GLG1: variants seen among roughly 807,000 people sequenced by gnomAD.
GLG1 encodes the protein golgi glycoprotein 1.
In GLG1, 38 loss-of-function variants were observed where a neutral mutation model predicts 160.5. The ratio of observed to expected loss-of-function variants is 0.24; its 90% confidence interval spans 0.18 to 0.31. The LOEUF is 0.31. Ranked by LOEUF, GLG1 falls within the 10% of genes least tolerant of loss-of-function variation. The pLI, the probability that GLG1 is intolerant of heterozygous loss-of-function variation, is 1.00. For missense variants in GLG1, 1,373 were observed against 1,505.2 expected (o/e 0.91, Z 1.45); for synonymous variants, 644 against 543.4 (o/e 1.19, Z -2.57).
At chr16:74,481,647 C>T (rs531436803) in intron 10 of GLG1, among the ~76,000 whole-genome samples, 2 of 152,288 alleles carry the variant, frequency 1.3e-5, no homozygotes, top group East Asian at 3.9e-4. Flanking sequence ...TATATTGAAT[C>T]TTCAAGTAAT....
intron 17 of GLG1, 143 bp downstream of exon 17, chr16:74,468,803 G>T: frequency 4.6e-6 from 3 of 647,288 alleles, no homozygotes; most frequent in South Asian, 3.8e-5. Flanking sequence ...GCTAATGGTC[G>T]TATGTTAAAA....
At position 74,499,965 on chromosome 16, in the gene GLG1, T is replaced by C. The variant is rs576970515; in HGVS notation, c.775-3321A>G. Among the ~76,000 whole-genome samples, 205 of 152,300 alleles carry C rather than the reference T, an allele frequency of 1.3e-3. 1 individual carries two copies. Among genetic ancestry groups the C allele is most frequent in the African/African-American group, 4.8e-3 (199 of 41,570 alleles). On this transcript the variant is annotated intron_variant, in intron 4 of 25. Transcript: ENST00000422840. ...TTGCAGTGAGCCGAGATTGTGCCACTGCACTCCAGCCTGGGCGACAGAGTG... is the reference window on the plus strand; with the variant it reads ...TTGCAGTGAGCCGAGATTGTGCCACCGCACTCCAGCCTGGGCGACAGAGTG...
intron 25 of GLG1, among the ~76,000 whole-genome samples, 165 bp from the exon 26 acceptor site, chr16:74,453,499 T>G (rs2014408007): frequency 6.6e-6 from 1 of 152,218 alleles, no homozygotes; most frequent in South Asian, 2.1e-4. Flanking sequence ...CTCTTTTTCC[T>G]GATCATAAAA....
At chr16:74,579,506 G>C (rs1209664619) in intron 1 of GLG1, among the ~76,000 whole-genome samples, 3 of 150,872 alleles carry the variant, frequency 2.0e-5, no homozygotes, top group Non-Finnish European at 4.4e-5. Context: ...TGGATCACCT[G>C]AGGTCAGGAG....
In GLG1 at chr16:74,450,856, A is replaced by G. The variant is rs928576077; in HGVS notation, c.*2311T>C. The G allele has an allele frequency of 1.5e-4, 23 of 152,218 alleles. No individual in the cohort carries two copies. Among genetic ancestry groups the G allele is most frequent in the Admixed American group, 1.2e-3 (18 of 15,276 alleles). 9.4% of individuals were successfully genotyped at this position (152,218 alleles called of 1,614,324 possible). A position where few individuals can be genotyped will look rare whatever the true frequency, so the allele number is the denominator to read the frequency against. On this transcript the variant is annotated 3_prime_UTR_variant, in exon 26 of 26. Coordinates refer to ENST00000422840, the MANE Select transcript of GLG1 (RefSeq NM_001145667.2). ...GAGAGATACTCTGTCTCAAAAAAAA[A>G]AAAAAAGACAGATGTTTCAAGAACC... is the stretch of plus-strand genomic sequence containing the variant.
chr16:74,525,347 C>T (rs911472999), intron 2 of GLG1, among the ~76,000 whole-genome samples: 3 of 152,170 alleles, frequency 2.0e-5, no homozygotes, highest in African/African-American at 7.2e-5. Context: ...GAAGTAATAT[C>T]TCATTGTGGT....
At chr16:74,471,889 A>ATC (rs2015220149) in intron 14 of GLG1, among the ~76,000 whole-genome samples, 1 of 142,210 alleles carries the variant, frequency 7.0e-6, no homozygotes, top group African/African-American at 2.6e-5. Context: ...GGATGGTAGC[A>ATC]TCTCTCTCTC....
chr16:74,482,721 C>G (rs1318151560), intron 10 of GLG1, among the ~76,000 whole-genome samples: 2 of 152,134 alleles, frequency 1.3e-5, no homozygotes, highest in African/African-American at 4.8e-5. Flanking sequence ...CTTTTGCCAC[C>G]CCCACAGGTG....
chr16:74,480,644 T>TC (rs1199776018), intron 10 of GLG1, among the ~76,000 whole-genome samples: 5 of 151,774 alleles, frequency 3.3e-5, no homozygotes, highest in Admixed American at 3.3e-4. Context: ...GGAACCTCCG[T>TC]CCCCCGGGGC....
intron 1 of GLG1, among the ~76,000 whole-genome samples, chr16:74,541,538 G>A (rs1325522652): frequency 6.6e-6 from 1 of 152,102 alleles, no homozygotes; most frequent in Non-Finnish European, 1.5e-5. Context: ...CAAATTTTGT[G>A]TAGATAAAAG....
intron 1 of GLG1, among the ~76,000 whole-genome samples, chr16:74,563,683 C>T (rs1364117874): frequency 6.0e-5 from 6 of 99,286 alleles, no homozygotes; most frequent in African/African-American, 2.8e-4. Flanking sequence ...GCCGAGATCA[C>T]GCCACTATTC....
At chr16:74,527,362 G>A (rs890081267) in intron 2 of GLG1, among the ~76,000 whole-genome samples, 1 of 145,728 alleles carries the variant, frequency 6.9e-6, no homozygotes, top group African/African-American at 2.5e-5. Context: ...TGATTCTCAC[G>A]CCTTGGCCTC....
intron 1 of GLG1, among the ~76,000 whole-genome samples, chr16:74,573,624 C>T (rs961121252): frequency 6.8e-6 from 1 of 146,402 alleles, no homozygotes; most frequent in African/African-American, 2.5e-5. Context: ...CAGGGTCTCA[C>T]CCTGTTGCCC....
At chr16:74,529,965 C>T (rs534465884) in intron 2 of GLG1, among the ~76,000 whole-genome samples, 8 of 151,856 alleles carry the variant, frequency 5.3e-5, no homozygotes, top group African/African-American at 1.4e-4. Context: ...GGGTGTGCCA[C>T]GACGCCTGGC....
chr16:74,509,943 T>TC (rs2016749131), intron 2 of GLG1, among the ~76,000 whole-genome samples: 1 of 151,526 alleles, frequency 6.6e-6, no homozygotes, highest in African/African-American at 2.4e-5. Flanking sequence ...TGCCTTGGCC[T>TC]CCCAAAGTGC....
chr16:74,564,239 C>T (rs1372795029), intron 1 of GLG1, among the ~76,000 whole-genome samples: 1 of 152,156 alleles, frequency 6.6e-6, no homozygotes, highest in East Asian at 1.9e-4. Context: ...CCTCTTGTTG[C>T]ACGTGGATGA....
chr16:74,464,692 T>C (rs1233699139), intron 19 of GLG1, among the ~76,000 whole-genome samples: 1 of 152,220 alleles, frequency 6.6e-6, no homozygotes. Context: ...TTTTTACATA[T>C]GACTCAATTT....
chr16:74,542,052 A>G (rs1351228741), intron 1 of GLG1, among the ~76,000 whole-genome samples: 1 of 144,390 alleles, frequency 6.9e-6, no homozygotes, highest in African/African-American at 2.6e-5. Context: ...GGCAGGGAGG[A>G]AATATATATT....
intron 1 of GLG1, among the ~76,000 whole-genome samples, chr16:74,592,236 G>C (rs1958201468): frequency 6.6e-6 from 1 of 152,164 alleles, no homozygotes; most frequent in Non-Finnish European, 1.5e-5. Context: ...TCCACCTCCT[G>C]GGTTCAAGCG....
Sources: allele counts gnomAD v4.1 joint callset (sites outside exome capture counted in the v4.1 genomes callset), GRCh38; gene constraint gnomAD v4.1.1; transcripts MANE v1.5; gene names NCBI Gene and HGNC (gene_info 2026-07-23, HGNC 2026-07-21).